The following DIAPH3 variants were observed in gnomAD, a reference collection of about 807,000 sequenced individuals.
DIAPH3 encodes protein diaphanous homolog 3.
A neutral mutation model predicts 144.3 loss-of-function variants in DIAPH3; 117 were observed. The ratio of observed to expected loss-of-function variants is 0.81; its 90% confidence interval spans 0.70 to 0.95. The LOEUF (loss-of-function observed/expected upper bound fraction) is 0.95, where lower values mean the gene tolerates loss of function less well. Among genes scored for constraint, DIAPH3 ranks in the 40% least tolerant of loss-of-function variants. The probability of loss-of-function intolerance (pLI) is 0.00; values close to 1 mark genes in which losing one functional copy is unlikely to be tolerated. For missense variants in DIAPH3, 1,421 were observed against 1,412.7 expected (o/e 1.01, Z -0.09); for synonymous variants, 519 against 488.9 (o/e 1.06, Z -0.81).
intron 24 of DIAPH3, among the ~76,000 whole-genome samples, chr13:59,812,368 G>T (rs551094385): frequency 6.6e-6 from 1 of 151,516 alleles, no homozygotes; most frequent in South Asian, 2.1e-4. Context: ...CTACTAAATA[G>T]TATTGTTGTA....
In DIAPH3 at chr13:59,848,423, G is replaced by A. The variant is rs1242779991; in HGVS notation, c.2738-8975C>T. 1.3e-4 allele frequency among the ~76,000 whole-genome samples: 19 copies of A among 148,148 alleles called. No individual in the cohort carries two copies. The South Asian group carries it at 3.4e-3, about 27-fold the overall frequency. ...GCTGGTGCGCTGCACCCACTAACTC[G>A]TCATCTAGCCTTAGGTATATCTCCC... is the stretch of plus-strand genomic sequence containing the variant. On this transcript the variant is annotated intron_variant, in intron 22 of 27. Transcript: ENST00000400324.
At chr13:59,939,835 C>CGTGTGTGTGTGTGTGT (rs3220859) in intron 17 of DIAPH3, among the ~76,000 whole-genome samples, 36 of 146,652 alleles carry the variant, frequency 2.5e-4, no homozygotes, top group Non-Finnish European at 4.6e-4. Flanking sequence ...GAGAATGAGG[C>CGTGTGTGTGTGTGTGT]GTGTGTGTGT....
At chr13:59,802,984 G>A (rs934157775) in intron 25 of DIAPH3, among the ~76,000 whole-genome samples, 11 of 152,002 alleles carry the variant, frequency 7.2e-5, no homozygotes, top group African/African-American at 2.4e-5. Context: ...GCGCCCAGCC[G>A]ATCTATATTA....
intron 25 of DIAPH3, among the ~76,000 whole-genome samples, chr13:59,791,487 A>G (rs2039321811): frequency 6.6e-6 from 1 of 152,140 alleles, no homozygotes; most frequent in Non-Finnish European, 1.5e-5. Flanking sequence ...CTTGGAGCTC[A>G]AAAAGGTAAA....
chr13:59,739,618 T>A (rs2036343427), intron 27 of DIAPH3, among the ~76,000 whole-genome samples: 2 of 152,176 alleles, frequency 1.3e-5, no homozygotes, highest in South Asian at 4.1e-4. Context: ...ACTAAATATG[T>A]TTATTTTATT....
intron 4 of DIAPH3, among the ~76,000 whole-genome samples, chr13:60,046,973 G>C (rs1169545938): frequency 6.6e-6 from 1 of 152,004 alleles, no homozygotes. Flanking sequence ...GGGGCTTTTC[G>C]GGGGGTTGGG....
At chr13:59,743,405 G>A (rs759594112) in intron 27 of DIAPH3, among the ~76,000 whole-genome samples, 5 of 152,234 alleles carry the variant, frequency 3.3e-5, no homozygotes, top group Non-Finnish European at 7.4e-5. Flanking sequence ...GGCAAAGGAG[G>A]AAGTTTCCAA....
At chr13:60,113,134 A>G (rs999306411) in intron 2 of DIAPH3, among the ~76,000 whole-genome samples, 2 of 152,176 alleles carry the variant, frequency 1.3e-5, no homozygotes, top group African/African-American at 4.8e-5. Context: ...ACTATTCATT[A>G]TGGTAGCCAC....
At chr13:59,750,017 T>G (rs1020008646) in intron 27 of DIAPH3, among the ~76,000 whole-genome samples, 3 of 152,158 alleles carry the variant, frequency 2.0e-5, no homozygotes, top group African/African-American at 7.2e-5. Flanking sequence ...AAACCTTCCT[T>G]CCCTCTTGGT....
At chr13:59,810,718 T>C (rs2040426419) in intron 25 of DIAPH3, 70 bp downstream of exon 25, 2 of 1,523,000 alleles carry the variant, frequency 1.3e-6, no homozygotes, top group South Asian at 2.4e-5. Context: ...AGTTCATTAA[T>C]ATACTAATAA....
chr13:59,749,902 T>C (rs866050979), intron 27 of DIAPH3, among the ~76,000 whole-genome samples: 7 of 152,268 alleles, frequency 4.6e-5, no homozygotes, highest in Middle Eastern at 3.4e-3. Context: ...TTCAGGGCCC[T>C]TCATGATACT....
intron 27 of DIAPH3, among the ~76,000 whole-genome samples, chr13:59,728,534 ATAGG>A (rs1464382931): frequency 5.9e-5 from 9 of 152,218 alleles, no homozygotes; most frequent in Admixed American, 2.0e-4. Flanking sequence ...TATAAGGGAC[ATAGG>A]TAGGAGTAAA....
intron 17 of DIAPH3, among the ~76,000 whole-genome samples, chr13:59,948,968 G>A (rs1446125953): frequency 6.6e-6 from 1 of 152,058 alleles, no homozygotes; most frequent in East Asian, 1.9e-4. Context: ...TCATTAATCA[G>A]GTAGCATCTC....
chr13:59,932,595 T>C (rs6562064), intron 17 of DIAPH3, among the ~76,000 whole-genome samples: 102,551 of 151,906 alleles, frequency 0.68, 35,318 homozygotes, highest in Admixed American at 0.75. Context: ...AAGACACTGA[T>C]ATAATTTAAC....
intron 5 of DIAPH3, among the ~76,000 whole-genome samples, chr13:60,024,683 G>A (rs1275374727): frequency 1.3e-5 from 2 of 152,204 alleles, no homozygotes; most frequent in African/African-American, 2.4e-5. Context: ...ACTGAAGGCT[G>A]AAAATTTGGG....
At chr13:60,072,462 C>A (rs1284666239) in intron 4 of DIAPH3, among the ~76,000 whole-genome samples, 1 of 152,156 alleles carries the variant, frequency 6.6e-6, no homozygotes, top group Middle Eastern at 3.2e-3. Flanking sequence ...CAGGCCATAA[C>A]TAATTTTATT....
intron 27 of DIAPH3, among the ~76,000 whole-genome samples, chr13:59,769,774 G>A (rs966206922): frequency 2.0e-5 from 3 of 151,726 alleles, no homozygotes; most frequent in African/African-American, 7.3e-5. Flanking sequence ...TCCCCATCTG[G>A]TACCTTAAAC....
At chr13:60,022,061 T>A (rs959036187) in intron 5 of DIAPH3, among the ~76,000 whole-genome samples, 6 of 152,246 alleles carry the variant, frequency 3.9e-5, no homozygotes, top group Admixed American at 3.3e-4. Flanking sequence ...TACAAGTACA[T>A]TGCTAGTACA....
Position 59,714,009 on chromosome 13 carries a change from A to C in DIAPH3, c.3320-47163T>G, listed in dbSNP as rs568953912. Among the ~76,000 whole-genome samples the C allele has an allele frequency of 2.1e-4, 32 of 152,274 alleles. 1 individual carries two copies. The highest frequency in any genetic ancestry group is 3.4e-3 in the Middle Eastern group (1 of 294). On this transcript the variant is annotated intron_variant, in intron 27 of 27. Transcript: ENST00000400324. ...GGCAGGAGGGTCCCTTGATGATAGG[A>C]GTTAGAGACCAGCCTGAGTAACACA...
Sources: allele counts gnomAD v4.1 joint callset (sites outside exome capture counted in the v4.1 genomes callset), GRCh38; gene constraint gnomAD v4.1.1; transcripts MANE v1.5; gene names NCBI Gene and HGNC (gene_info 2026-07-23, HGNC 2026-07-21).